GABRB2: variants seen among roughly 807,000 people sequenced by gnomAD.
GABRB2 encodes gamma-aminobutyric acid type A receptor subunit beta2, also known as gamma-aminobutyric acid receptor subunit beta-2.
In GABRB2, 16 loss-of-function variants were observed where a neutral mutation model predicts 54.7. The ratio of observed to expected loss-of-function variants is 0.29; its 90% CI spans 0.20 to 0.44. GABRB2 has a LOEUF of 0.44. GABRB2 is among the 20% of genes least tolerant of loss of function. GABRB2 has a pLI of 1.00. For synonymous variants in GABRB2, 244 were observed against 233.8 expected, an observed-to-expected ratio of 1.04 and a Z score of -0.40; for missense variants, 355 against 644.0, an observed-to-expected ratio of 0.55 and a Z score of 4.86.
At chr5:161,495,186 A>G (rs1759196055) in intron 3 of GABRB2, among the ~76,000 whole-genome samples, 1 of 151,990 alleles carries the variant, frequency 6.6e-6, no homozygotes, top group Non-Finnish European at 1.5e-5. Context: ...TATATGGTAA[A>G]TGTCAGATCA....
At chr5:161,354,512 G>T (rs1465277671) in intron 5 of GABRB2, among the ~76,000 whole-genome samples, 1 of 151,998 alleles carries the variant, frequency 6.6e-6, no homozygotes. Context: ...TATATTCATC[G>T]AATTCTCCTT....
intron 3 of GABRB2, among the ~76,000 whole-genome samples, chr5:161,483,110 C>T (rs1028549055): frequency 1.3e-5 from 2 of 151,996 alleles, no homozygotes; most frequent in Non-Finnish European, 2.9e-5. Context: ...TGTAACTCAG[C>T]ATTTCTCAAA....
At chr5:161,333,766 A>G (rs1314518750) in intron 7 of GABRB2, among the ~76,000 whole-genome samples, 2 of 152,028 alleles carry the variant, frequency 1.3e-5, no homozygotes, top group African/African-American at 4.8e-5. Flanking sequence ...GAATATTATC[A>G]CCCAGGTATC....
intron 4 of GABRB2, among the ~76,000 whole-genome samples, chr5:161,427,773 G>C (rs536631078): frequency 1.3e-5 from 2 of 152,272 alleles, no homozygotes; most frequent in Non-Finnish European, 2.9e-5. Context: ...ATTTCTGTCA[G>C]GTAATTATTA....
At chr5:161,428,250 G>T (rs1561646488) in intron 4 of GABRB2, among the ~76,000 whole-genome samples, 1 of 151,792 alleles carries the variant, frequency 6.6e-6, no homozygotes, top group Non-Finnish European at 1.5e-5. Flanking sequence ...GGTTACTACA[G>T]TGAAGCAAAT....
intron 9 of GABRB2, among the ~76,000 whole-genome samples, chr5:161,322,531 C>T (rs1036545709): frequency 6.6e-6 from 1 of 152,026 alleles, no homozygotes; most frequent in Non-Finnish European, 1.5e-5. Context: ...TCACTGTGCC[C>T]GGAGAAGAAG....
intron 4 of GABRB2, among the ~76,000 whole-genome samples, chr5:161,445,595 A>T (rs1757593791): frequency 6.6e-6 from 1 of 152,112 alleles, no homozygotes; most frequent in South Asian, 2.1e-4. Context: ...GATAAGAAAC[A>T]TTTACAATTT....
chr5:161,544,036 C>A (rs959568189), intron 3 of GABRB2, among the ~76,000 whole-genome samples: 7 of 152,128 alleles, frequency 4.6e-5, no homozygotes, highest in African/African-American at 1.7e-4. Flanking sequence ...TCGGGATTAT[C>A]TCTTATCTTT....
chr5:161,389,621 G>A (rs1404169070), intron 5 of GABRB2, among the ~76,000 whole-genome samples: 1 of 151,292 alleles, frequency 6.6e-6, no homozygotes, highest in African/African-American at 2.4e-5. Context: ...GAAACAGAGA[G>A]AAAGAGAAAT....
intron 9 of GABRB2, among the ~76,000 whole-genome samples, chr5:161,306,276 C>A (rs1757688371): frequency 6.6e-6 from 1 of 152,216 alleles, no homozygotes; most frequent in Non-Finnish European, 1.5e-5. Context: ...CGCCCTGAGG[C>A]AAGGCACTAA....
Position 161,294,295 on chromosome 5 carries a change from C to A in GABRB2, c.1325G>T (p.Arg442Leu). The change falls in exon 10 of 10, where the codon CGG (arginine) becomes CTG (leucine). Residue 442 changes from arginine (R) to leucine (L), a missense_variant. Transcript: ENST00000393959. ...LAYDASSIQY[R>L]KAGLPRHSFG... ...ACTATGCCTGGGCAACCCAGCTTTC[C>A]GATACTGGATGCTGGAGGCATCATA... The A allele has an allele frequency of 6.2e-7, 1 of 1,614,082 alleles. No individual in the cohort carries two copies. The highest frequency in any genetic ancestry group is 8.5e-7 in the Non-Finnish European group (1 of 1,179,992).
At chr5:161,507,718 G>T (rs2113395258) in intron 3 of GABRB2, among the ~76,000 whole-genome samples, 1 of 152,122 alleles carries the variant, frequency 6.6e-6, no homozygotes, top group South Asian at 2.1e-4. Flanking sequence ...CACAAAAGAA[G>T]ATATGCAAAG....
chr5:161,546,304 G>A lies in GABRB2; in HGVS notation c.169+18C>T. On this transcript the variant is annotated intron_variant, in intron 2 of 9. Coordinates refer to ENST00000393959, the MANE Select transcript of GABRB2 (RefSeq NM_001371727.1). ...GCTTCGGCTGTGGCTGGACTTATTT[G>A]CAAGGCAACCCCATTACCTCCAAAA... 6.2e-7 allele frequency: 1 copy of A among 1,605,268 alleles called. No homozygotes were observed. The highest frequency in any genetic ancestry group is 8.5e-7 in the Non-Finnish European group (1 of 1,171,884).
intron 3 of GABRB2, among the ~76,000 whole-genome samples, chr5:161,470,812 A>T (rs1161106230): frequency 6.6e-6 from 1 of 151,996 alleles, no homozygotes; most frequent in Non-Finnish European, 1.5e-5. Context: ...GAAACCTGAG[A>T]TAAGGGGAAA....
rs1044532115 is a variant in GABRB2 at position 161,291,698 on chromosome 5, A to G, written c.*2383T>C. ...GATTGTTCTGTTGACTTTCTTGGAC[A>G]TCTAAAATTTTGTTGTAATCATAAA... On this transcript the variant is annotated 3_prime_UTR_variant, in exon 10 of 10. Coordinates refer to ENST00000393959, the MANE Select transcript of GABRB2 (RefSeq NM_001371727.1). The G allele has an allele frequency of 4.6e-5, 7 of 152,668 alleles. No homozygotes were observed. The highest frequency in any genetic ancestry group is 1.7e-4 in the African/African-American group (7 of 41,558). The allele number at this position is 152,668 out of a possible 1,614,324, so 9.5% of individuals were successfully genotyped here. A position where few individuals can be genotyped will look rare whatever the true frequency, so the allele number is the denominator to read the frequency against.
At chr5:161,497,081 G>A (rs1398278241) in intron 3 of GABRB2, among the ~76,000 whole-genome samples, 1 of 152,018 alleles carries the variant, frequency 6.6e-6, no homozygotes, top group Non-Finnish European at 1.5e-5. Flanking sequence ...TTGTATTTTA[G>A]GTATGAAATG....
intron 5 of GABRB2, among the ~76,000 whole-genome samples, chr5:161,361,543 T>C (rs1460658983): frequency 6.6e-6 from 1 of 152,116 alleles, no homozygotes; most frequent in Non-Finnish European, 1.5e-5. Context: ...ATTTTCTATT[T>C]CTGTATATGG....
chr5:161,450,279 C>A (rs1757754238), intron 4 of GABRB2, among the ~76,000 whole-genome samples: 1 of 151,986 alleles, frequency 6.6e-6, no homozygotes, highest in South Asian at 2.1e-4. Flanking sequence ...ACCCACGTAG[C>A]CAACAGTCAA....
At chr5:161,326,785 A>G (rs760565605) in intron 8 of GABRB2, among the ~76,000 whole-genome samples, 5 of 152,156 alleles carry the variant, frequency 3.3e-5, no homozygotes, top group Non-Finnish European at 7.4e-5. Context: ...CAGAATAAAG[A>G]ACACCCTTAA....
Sources: gnomAD v4.1 joint callset for allele counts (sites outside exome capture counted in the v4.1 genomes callset) on GRCh38, gnomAD v4.1.1 for gene constraint, MANE v1.5 for transcripts, NCBI Gene and HGNC (gene_info 2026-07-23, HGNC 2026-07-21) for gene names.